PPP2R5C: variants seen among roughly 807,000 people sequenced by gnomAD.
PPP2R5C encodes the protein serine/threonine-protein phosphatase 2A 56 kDa regulatory subunit gamma isoform.
In PPP2R5C, 7 loss-of-function variants were observed where a neutral mutation model predicts 68.9. The observed-to-expected ratio is 0.10, with a 90% CI of 0.06 to 0.19. PPP2R5C has a LOEUF of 0.19. Among genes scored for constraint, PPP2R5C ranks in the 10% least tolerant of loss-of-function variants. PPP2R5C has a pLI of 1.00. For missense variants in PPP2R5C, 348 were observed against 641.3 expected (o/e 0.54, Z 4.94); for synonymous variants, 210 against 222.2 (o/e 0.95, Z 0.49).
chr14:101,854,592 A>G (rs2042315128), intron 1 of PPP2R5C, among the ~76,000 whole-genome samples: 1 of 152,150 alleles, frequency 6.6e-6, no homozygotes, highest in African/African-American at 2.4e-5. Flanking sequence ...GAGTGTGGAA[A>G]TGCTCGGCAC....
chr14:101,768,825 CTTT>C (rs57812551), intron 2 of PPP2R5C, among the ~76,000 whole-genome samples: 95 of 139,144 alleles, frequency 6.8e-4, no homozygotes, highest in South Asian at 4.5e-3. Flanking sequence ...ATCCTTTCAT[CTTT>C]TTTTTTTTTT....
intron 8 of PPP2R5C, among the ~76,000 whole-genome samples, chr14:101,898,071 A>G (rs1421174309): frequency 1.3e-5 from 2 of 152,090 alleles, no homozygotes; most frequent in African/African-American, 2.4e-5. Context: ...GAGGTGGAAG[A>G]GTTGTTTGAG....
chr14:101,844,296 C>T (rs1208385198), intron 1 of PPP2R5C, among the ~76,000 whole-genome samples: 2 of 152,050 alleles, frequency 1.3e-5, no homozygotes, highest in African/African-American at 2.4e-5. Context: ...CGGGAGGGGC[C>T]GGAGCGGTCT....
At chr14:101,813,025 G>A (rs1257656039) in intron 1 of PPP2R5C, among the ~76,000 whole-genome samples, 1 of 152,228 alleles carries the variant, frequency 6.6e-6, no homozygotes, top group African/African-American at 2.4e-5. Flanking sequence ...CTTGATGGCT[G>A]TGAATGTAGC....
At chr14:101,834,509 G>A (rs2040959461) in intron 1 of PPP2R5C, among the ~76,000 whole-genome samples, 1 of 152,220 alleles carries the variant, frequency 6.6e-6, no homozygotes, top group Non-Finnish European at 1.5e-5. Context: ...TCAGGCAGCT[G>A]TTCCAGCAGA....
intron 11 of PPP2R5C, 77 bp from the exon 14 acceptor site, chr14:101,912,324 G>T (rs2046442034): frequency 3.9e-6 from 5 of 1,293,384 alleles, no homozygotes; most frequent in East Asian, 5.3e-5. Context: ...GGCTCAACAT[G>T]CCTGTGCCTT....
intron 8 of PPP2R5C, 69 bp downstream of exon 10, chr14:101,894,629 G>C (rs2045181602): frequency 2.1e-6 from 3 of 1,441,828 alleles, no homozygotes; most frequent in Non-Finnish European, 2.9e-6. Context: ...TACAACATCT[G>C]CTTCACCAAA....
chr14:101,822,403 TAAA>T (rs1248730874), intron 1 of PPP2R5C, among the ~76,000 whole-genome samples: 1 of 152,206 alleles, frequency 6.6e-6, no homozygotes, highest in Non-Finnish European at 1.5e-5. Flanking sequence ...GGAGAAAACT[TAAA>T]TGACTATCCA....
Position 101,921,589 on chromosome 14 carries a change from G to GT in PPP2R5C, c.1444-3551dup, listed in dbSNP as rs370213770. Among the ~76,000 whole-genome samples, 200 of 151,318 alleles carry GT rather than the reference G, an allele frequency of 1.3e-3. 2 individuals carry two copies. The highest frequency in any genetic ancestry group is 4.5e-3 in the African/African-American group (188 of 41,334). On this transcript the variant is annotated intron_variant, in intron 13 of 13. Coordinates refer to ENST00000334743, the Ensembl canonical transcript of PPP2R5C. ...TGCACAATTTGGTGACCAAATTGACGTAAGAAATGATAGCTGAAAATTAAG... is the reference window on the plus strand; with the variant it reads ...TGCACAATTTGGTGACCAAATTGACGTTAAGAAATGATAGCTGAAAATTAAG...
chr14:101,841,578 G>A (rs898888710), intron 1 of PPP2R5C, among the ~76,000 whole-genome samples: 27 of 152,226 alleles, frequency 1.8e-4, no homozygotes, highest in African/African-American at 5.5e-4. Context: ...CCTGCTGAGC[G>A]GTCAGTCCTC....
intron 13 of PPP2R5C, chr14:101,922,259 C>A (rs1210077526): frequency 4.4e-6 from 4 of 902,084 alleles, no homozygotes; most frequent in Admixed American, 1.2e-4. Context: ...GAGGCCGAGG[C>A]GGGCAGATCA....
In PPP2R5C at chr14:101,882,398, A is replaced by T. The variant is rs2044220617; in HGVS notation, c.405+127A>T. 2 of 589,068 alleles carry T rather than the reference A, an allele frequency of 3.4e-6. No homozygotes were observed. Among genetic ancestry groups the T allele is most frequent in the Non-Finnish European group, 5.9e-6 (2 of 338,682 alleles). The allele number at this position is 589,068 out of a possible 1,614,324, so 36.5% of individuals were successfully genotyped here. A position where few individuals can be genotyped will look rare whatever the true frequency, so the allele number is the denominator to read the frequency against. On this transcript the variant is annotated intron_variant, in intron 3 of 13. Coordinates refer to ENST00000334743, the Ensembl canonical transcript of PPP2R5C. The surrounding 1 kb of genome is among the most constrained non-coding windows in gnomAD (Gnocchi z 4.9). ...CTCCTCAGTAGCATGGGCCTCGTAA[A>T]CCCATATGTACAAGAAAAATATTTC... is the stretch of plus-strand genomic sequence containing the variant.
upstream of PPP2R5C, among the ~76,000 whole-genome samples, chr14:101,808,856 TA>T (rs1216057138): frequency 3.3e-5 from 5 of 152,206 alleles, no homozygotes; most frequent in African/African-American, 1.2e-4. Flanking sequence ...TTGGAACTAC[TA>T]ATAACACTCA....
At position 101,879,506 on chromosome 14, in the gene PPP2R5C, C is replaced by G. The variant is rs2044016628; in HGVS notation, c.295-2655C>G. On this transcript the variant is annotated intron_variant, in intron 2 of 13. Transcript: ENST00000334743. This position sits in a 1 kb window ranked among gnomAD's most constrained non-coding sequence, Gnocchi z 4.2. The stretch of plus-strand genomic sequence containing the variant: ...TTTCCTTCCAGGCGCCATGGTTCCT[C>G]AGGCCCTGATGTCACAGGCTGTTCC... 1 of 152,714 alleles carries G rather than the reference C, an allele frequency of 6.5e-6. No homozygotes were observed. Among genetic ancestry groups the G allele is most frequent in the Admixed American group, 6.5e-5 (1 of 15,300 alleles). The allele number at this position is 152,714 out of a possible 1,614,324, so 9.5% of individuals were successfully genotyped here.
At chr14:101,787,025 A>G (rs897550204) in intron 3 of PPP2R5C, among the ~76,000 whole-genome samples, 1 of 152,166 alleles carries the variant, frequency 6.6e-6, no homozygotes, top group Non-Finnish European at 1.5e-5. Context: ...GCTGAGGCAG[A>G]AGGATCACTT....
chr14:101,850,233 A>G (rs2042076701), intron 1 of PPP2R5C, among the ~76,000 whole-genome samples: 1 of 152,194 alleles, frequency 6.6e-6, no homozygotes, highest in Non-Finnish European at 1.5e-5. Context: ...TAAGAAAGAG[A>G]AGAACAATGT....
At chr14:101,804,270 T>G (rs1247832357) in intron 3 of PPP2R5C, among the ~76,000 whole-genome samples, 2 of 152,200 alleles carry the variant, frequency 1.3e-5, no homozygotes, top group African/African-American at 4.8e-5. Context: ...ACACTGTTGT[T>G]AGGAATGTAA....
Position 101,797,365 on chromosome 14 carries a change from C to G in PPP2R5C, c.259+11182C>G, listed in dbSNP as rs1239794855. ...ACGCCACACACATTCAGTCAGTACA[C>G]GAGTTAACAGTTGCGTGCTTGTCTG... On this transcript the variant is annotated intron_variant, in intron 3 of 14. Coordinates refer to the PPP2R5C transcript ENST00000328724. This position sits in a 1 kb window ranked among gnomAD's most constrained non-coding sequence, Gnocchi z 4.2. 2.2e-6 allele frequency: 1 copy of G among 448,332 alleles called. No homozygotes were observed. The highest frequency in any genetic ancestry group is 1.6e-5 in the South Asian group (1 of 64,138). The allele number at this position is 448,332 out of a possible 1,614,324, so 27.8% of individuals were successfully genotyped here. A position where few individuals can be genotyped will look rare whatever the true frequency, so the allele number is the denominator to read the frequency against.
chr14:101,897,345 C>T (rs1487936046), intron 8 of PPP2R5C, among the ~76,000 whole-genome samples: 1 of 151,756 alleles, frequency 6.6e-6, no homozygotes, highest in Non-Finnish European at 1.5e-5. Flanking sequence ...TGGTTACATG[C>T]CCTAACTCTT....
Sources: gnomAD v4.1 joint callset for allele counts (sites outside exome capture counted in the v4.1 genomes callset) on GRCh38, gnomAD v4.1.1 for gene constraint, Gnocchi (gnomAD v3.1) non-coding constraint, MANE v1.5 for transcripts, NCBI Gene and HGNC (gene_info 2026-07-23, HGNC 2026-07-21) for gene names.